The following POM121C variants were observed in gnomAD, a reference collection of about 807,000 sequenced individuals.
The protein encoded by POM121C is POM121 transmembrane nucleoporin C, also known as nuclear envelope pore membrane protein POM 121C.
POM121C carries 20 observed loss-of-function variants against 66.4 expected under a neutral mutation model. That is an observed-to-expected ratio of 0.30 (90% CI 0.21 to 0.44). The LOEUF (loss-of-function observed/expected upper bound fraction) is 0.44. Ranked by LOEUF, POM121C falls within the 20% of genes least tolerant of loss-of-function variation. The pLI is 1.00. For missense variants in POM121C, 580 were observed against 1,225.7 expected (o/e 0.47, Z 7.87); for synonymous variants, 286 against 528.0 (o/e 0.54, Z 6.28).
chr7:75,439,548 G>A (rs1470277486), intron 5 of POM121C, among the ~76,000 whole-genome samples: 1 of 152,116 alleles, frequency 6.6e-6, no homozygotes, highest in Non-Finnish European at 1.5e-5. Flanking sequence ...ACCACACCTG[G>A]CTAATTTCTT....
intron 3 of POM121C, among the ~76,000 whole-genome samples, chr7:75,471,866 G>A (rs1410004213): frequency 2.6e-5 from 4 of 152,100 alleles, no homozygotes; most frequent in Admixed American, 2.6e-4. Flanking sequence ...CTTAAAAATG[G>A]TTAAGATGGT....
chr7:75,477,341 A>G (rs1354234815), intron 1 of POM121C, among the ~76,000 whole-genome samples: 2 of 152,206 alleles, frequency 1.3e-5, no homozygotes, highest in African/African-American at 4.8e-5. Flanking sequence ...CCAACACTTT[A>G]GAAGGCCGAG....
At chr7:75,439,372 G>A (rs1790541331) in intron 5 of POM121C, 148 bp from the exon 6 acceptor site, 1 of 1,241,552 alleles carries the variant, frequency 8.1e-7, no homozygotes, top group Non-Finnish European at 1.1e-6. Context: ...AAATCCCTAA[G>A]TTTCTGAAAG....
chr7:75,425,114 A>C lies in POM121C; in HGVS notation c.728T>G (p.Val243Gly), dbSNP rs1554471539. ...CCCTCGCCGAGAAGGCAGCAGCTGAACTTTCCGCTTACGCTGCCCAGAGCT... is the reference window on the plus strand; with the variant it reads ...CCCTCGCCGAGAAGGCAGCAGCTGACCTTTCCGCTTACGCTGCCCAGAGCT... Reference protein sequence around the residue: ...PGSSGQRKRKVQLLPSRRGEQ... With the variant: ...PGSSGQRKRKGQLLPSRRGEQ... The change falls in exon 10 of 15, where the codon GTT becomes GGT. Residue 243 changes from valine (V) to glycine (G), a missense_variant. By Grantham distance (109) the Val-to-Gly change is moderately radical. Coordinates refer to ENST00000615331, the MANE Select transcript of POM121C (RefSeq NM_001099415.3). 6.8e-7 allele frequency: 1 copy of C among 1,473,592 alleles called. No homozygotes were observed. Among genetic ancestry groups the C allele is most frequent in the South Asian group, 1.4e-5 (1 of 70,776 alleles). The allele number at this position is 1,473,592 out of a possible 1,614,324, so 91.3% of individuals were successfully genotyped here.
chr7:75,471,357 C>T (rs1274972778), intron 3 of POM121C, among the ~76,000 whole-genome samples: 1 of 151,926 alleles, frequency 6.6e-6, no homozygotes, highest in Non-Finnish European at 1.5e-5. Flanking sequence ...TACAGGCGTG[C>T]ACCACCACGC....
chr7:75,473,262 A>G (rs1232967339), intron 3 of POM121C, among the ~76,000 whole-genome samples: 3 of 152,094 alleles, frequency 2.0e-5, no homozygotes, highest in Non-Finnish European at 4.4e-5. Flanking sequence ...AATACACAGG[A>G]AAAAAGGTCT....
intron 3 of POM121C, among the ~76,000 whole-genome samples, chr7:75,472,646 A>T (rs1313037847): frequency 1.3e-5 from 2 of 152,094 alleles, no homozygotes; most frequent in African/African-American, 4.8e-5. Context: ...CTCTACTAAA[A>T]ATATAAAAAT....
In POM121C at chr7:75,419,288, C is replaced by T. The variant is rs367967470; in HGVS notation, c.2866+32G>A. 658 of 1,593,444 alleles carry T rather than the reference C, an allele frequency of 4.1e-4. No homozygotes were observed. The African/African-American group carries it at 5.2e-3, about 13-fold the overall frequency. On this transcript the variant is annotated intron_variant, in intron 14 of 14. Transcript: ENST00000615331. The stretch of plus-strand genomic sequence containing the variant: ...CCCACCCAACCTCTCCTCAGACAGA[C>T]GAGCAGGGCCACAGGGTGGCTTGCT...
At chr7:75,461,449 T>C (rs1362724394) in intron 3 of POM121C, among the ~76,000 whole-genome samples, 1 of 152,124 alleles carries the variant, frequency 6.6e-6, no homozygotes, top group Non-Finnish European at 1.5e-5. Context: ...ATGGAGTCTC[T>C]TTCTGTCGCC....
intron 7 of POM121C, among the ~76,000 whole-genome samples, chr7:75,433,350 ATATT>A (rs1377301731): frequency 8.0e-5 from 12 of 150,764 alleles, no homozygotes; most frequent in Admixed American, 2.6e-4. Context: ...ATATTAAAAT[ATATT>A]TATTTATTTA....
At chr7:75,436,992 C>A (rs1230410273) in intron 7 of POM121C, among the ~76,000 whole-genome samples, 1 of 152,184 alleles carries the variant, frequency 6.6e-6, no homozygotes, top group African/African-American at 2.4e-5. Context: ...ATGCAATAAT[C>A]CCCTTTCCAA....
rs1789699901 is a variant in POM121C, at chr7:75,421,378, G to C, written c.2743+131C>G. 5 of 1,496,634 alleles carry C rather than the reference G, an allele frequency of 3.3e-6. No homozygotes were observed. The East Asian group carries it at 9.8e-5, about 29-fold the overall frequency. The allele number at this position is 1,496,634 out of a possible 1,614,324, so 92.7% of individuals were successfully genotyped here. On this transcript the variant is annotated intron_variant, in intron 13 of 14. Coordinates refer to ENST00000615331, the MANE Select transcript of POM121C (RefSeq NM_001099415.3). The stretch of plus-strand genomic sequence containing the variant: ...TTAGCAAAACATGTATCATGCCCTG[G>C]CATCTCACTGAGTTCTATATTCAGT...
At chr7:75,479,793 G>GT (rs1299247293) in intron 1 of POM121C, among the ~76,000 whole-genome samples, 2 of 152,080 alleles carry the variant, frequency 1.3e-5, no homozygotes, top group South Asian at 2.1e-4. Context: ...AGGAAAAATG[G>GT]ATATTACTTA....
chr7:75,475,174 G>C lies in POM121C; in HGVS notation c.-443C>G. On this transcript the variant is annotated 5_prime_UTR_variant, in exon 2 of 15. Transcript: ENST00000615331. ...GGGTGAAATCCACAGCCACATCTTT[G>C]AATGACACTGGCCCCTGTAATGGCA... 6.6e-7 allele frequency: 1 copy of C among 1,515,108 alleles called. No individual in the cohort carries two copies. The highest frequency in any genetic ancestry group is 9.1e-7 in the Non-Finnish European group (1 of 1,097,976). 93.9% of individuals were successfully genotyped at this position (1,515,108 alleles called of 1,614,324 possible).
At chr7:75,427,359 T>TG (rs1789993027) in intron 7 of POM121C, among the ~76,000 whole-genome samples, 1 of 145,484 alleles carries the variant, frequency 6.9e-6, no homozygotes, top group African/African-American at 2.6e-5. Context: ...GGCGTAAACC[T>TG]GGGGGGCGGA....
intron 7 of POM121C, among the ~76,000 whole-genome samples, chr7:75,433,234 C>CAAAAAAAAAAAAAAAAAAAAAAAAA (rs782004307): frequency 2.3e-5 from 1 of 44,250 alleles, no homozygotes. Context: ...GACTCTGTCT[C>CAAAAAAAAAAAAAAAAAAAAAAAAA]AAAAAAAAAA....
chr7:75,425,625 A>G lies in POM121C; in HGVS notation c.646+10T>C, dbSNP rs1245617209. 3.1e-6 allele frequency: 5 copies of G among 1,590,178 alleles called. No individual in the cohort carries two copies. The highest frequency in any genetic ancestry group is 1.7e-4 in the Middle Eastern group (1 of 6,040). ...CAACAGCAGCCCCTCCTCCTGGCTC[A>G]GCAACCTACCCTTTTCTCCCTGGGA... is the stretch of plus-strand genomic sequence containing the variant. On this transcript the variant is annotated intron_variant, in intron 9 of 14. Transcript: ENST00000615331.
chr7:75,470,163 G>C (rs1791814560), intron 3 of POM121C, among the ~76,000 whole-genome samples: 1 of 131,994 alleles, frequency 7.6e-6, no homozygotes, highest in Non-Finnish European at 1.6e-5. Context: ...CTCCCAAAGT[G>C]CTAGGGTTAC....
chr7:75,486,209 C>T lies in POM121C; in HGVS notation c.-803G>A, dbSNP rs781404052. ...TGGTCCGGGCGGTCAGCATCCAGCC[C>T]CGCAGACTCGGTGATTCTCGTCCAC... On this transcript the variant is annotated 5_prime_UTR_variant, in exon 1 of 15. Transcript: ENST00000615331. 1.2e-3 allele frequency: 341 copies of T among 293,280 alleles called. No individual in the cohort carries two copies. The highest frequency in any genetic ancestry group is 1.4e-3 in the Non-Finnish European group (207 of 151,158). 18.2% of individuals were successfully genotyped at this position (293,280 alleles called of 1,614,324 possible). A position where few individuals can be genotyped will look rare whatever the true frequency, so the allele number is the denominator to read the frequency against.
Sources: gnomAD v4.1 joint callset for allele counts (sites outside exome capture counted in the v4.1 genomes callset) on GRCh38, gnomAD v4.1.1 for gene constraint, MANE v1.5 for transcripts, NCBI Gene and HGNC (gene_info 2026-07-23, HGNC 2026-07-21) for gene names.